CGGBP1: variants seen among roughly 807,000 people sequenced by gnomAD.
The protein encoded by CGGBP1 is CGG triplet repeat-binding protein 1.
A neutral mutation model predicts 11.4 loss-of-function variants in CGGBP1; 4 were observed. The ratio of observed to expected loss-of-function variants is 0.35; its 90% confidence interval spans 0.17 to 0.80. The LOEUF (loss-of-function observed/expected upper bound fraction) is 0.80, where lower values mean the gene tolerates loss of function less well. Among genes scored for constraint, CGGBP1 ranks in the 30% least tolerant of loss-of-function variants. The pLI is 0.52. For synonymous variants in CGGBP1, 76 were observed against 74.1 expected, an observed-to-expected ratio of 1.03 and a Z score of -0.13; for missense variants, 135 against 202.1, an observed-to-expected ratio of 0.67 and a Z score of 2.01.
At chr3:88,149,840 T>C in exon 1 of CGGBP1, 1 of 587,868 alleles carries the variant, frequency 1.7e-6, no homozygotes, top group Non-Finnish European at 3.0e-6. Flanking sequence ...TACGTGGGAC[T>C]TCACTCCGTC....
chr3:88,086,116 G>A, intron 2 of CGGBP1: 1 of 641,690 alleles, frequency 1.6e-6, no homozygotes, highest in Non-Finnish European at 2.6e-6. Flanking sequence ...AAAATAAACA[G>A]TATAGAAGAT....
At chr3:88,134,398 A>C (rs1706648669) in intron 2 of CGGBP1, among the ~76,000 whole-genome samples, 1 of 152,098 alleles carries the variant, frequency 6.6e-6, no homozygotes, top group African/African-American at 2.4e-5. Flanking sequence ...AAAGAATTCT[A>C]ATTTGCTAAA....
chr3:88,059,593 AT>A (rs1263561468), upstream of CGGBP1: 17 of 1,414,780 alleles, frequency 1.2e-5, no homozygotes, highest in Admixed American at 2.1e-4. Flanking sequence ...AATCTGGTCT[AT>A]GTCCAGTGCC....
chr3:88,095,657 T>G (rs1704015740), intron 2 of CGGBP1: 1 of 481,020 alleles, frequency 2.1e-6, no homozygotes, highest in Non-Finnish European at 4.1e-6. Flanking sequence ...CATCACTCTG[T>G]TCTCTTTTTT....
chr3:88,059,136 G>C, upstream of CGGBP1: 1 of 1,159,788 alleles, frequency 8.6e-7, no homozygotes, highest in Non-Finnish European at 1.2e-6. Context: ...GGCAGCTTGC[G>C]TCTTCCAATA....
intron 2 of CGGBP1, among the ~76,000 whole-genome samples, chr3:88,114,727 T>G (rs1705287177): frequency 6.6e-6 from 1 of 152,170 alleles, no homozygotes; most frequent in Non-Finnish European, 1.5e-5. Flanking sequence ...TAGAGAAACA[T>G]CCTTCATTTG....
chr3:88,090,603 TAC>T (rs894960993), intron 2 of CGGBP1, among the ~76,000 whole-genome samples: 1 of 152,200 alleles, frequency 6.6e-6, no homozygotes, highest in African/African-American at 2.4e-5. Flanking sequence ...AGCCTACATA[TAC>T]AGTGTTTATA....
intron 2 of CGGBP1, among the ~76,000 whole-genome samples, chr3:88,132,938 A>G (rs890958863): frequency 6.6e-6 from 1 of 152,158 alleles, no homozygotes; most frequent in Non-Finnish European, 1.5e-5. Context: ...AGCTACATGA[A>G]AGCTACATGG....
intron 2 of CGGBP1, among the ~76,000 whole-genome samples, chr3:88,073,981 T>G (rs1365256987): frequency 6.6e-6 from 1 of 152,190 alleles, no homozygotes; most frequent in African/African-American, 2.4e-5. Flanking sequence ...CTAATTAACC[T>G]GTGATAGTGT....
chr3:88,066,011 G>C (rs1463232044), intron 2 of CGGBP1, among the ~76,000 whole-genome samples: 1 of 152,154 alleles, frequency 6.6e-6, no homozygotes, highest in Non-Finnish European at 1.5e-5. Context: ...TAGGATTACA[G>C]GCATGAGCTA....
chr3:88,117,840 T>C (rs551489024), intron 2 of CGGBP1, among the ~76,000 whole-genome samples: 13 of 152,062 alleles, frequency 8.5e-5, no homozygotes, highest in Non-Finnish European at 1.8e-4. Flanking sequence ...GGAGCAGTGA[T>C]TATATAAGGG....
intron 1 of CGGBP1, chr3:88,142,823 T>C (rs1707195701): frequency 6.6e-6 from 1 of 152,288 alleles, no homozygotes; most frequent in Non-Finnish European, 1.5e-5. Context: ...CAGTAAGAGA[T>C]ACATTCAAGC....
chr3:88,102,817 C>CTGTT (rs777760226), intron 2 of CGGBP1, among the ~76,000 whole-genome samples: 1 of 106,548 alleles, frequency 9.4e-6, no homozygotes, highest in East Asian at 3.0e-4. Flanking sequence ...CCTCTACTGT[C>CTGTT]TTTTTTTTTT....
intron 2 of CGGBP1, among the ~76,000 whole-genome samples, chr3:88,074,314 C>T (rs1455352902): frequency 6.8e-6 from 1 of 147,076 alleles, no homozygotes; most frequent in Non-Finnish European, 1.5e-5. Context: ...AAGGAGAATT[C>T]TTTAACTTCC....
intron 2 of CGGBP1, among the ~76,000 whole-genome samples, chr3:88,071,402 T>C (rs1036318424): frequency 7.2e-5 from 11 of 152,110 alleles, no homozygotes; most frequent in Non-Finnish European, 1.5e-4. Context: ...CCCAGCACTT[T>C]GGGAGGCTGA....
intron 2 of CGGBP1, among the ~76,000 whole-genome samples, chr3:88,079,135 C>T (rs1707956649): frequency 6.6e-6 from 1 of 151,998 alleles, no homozygotes; most frequent in South Asian, 2.1e-4. Context: ...GCTGACTCAA[C>T]CTAAAGTAAC....
intron 2 of CGGBP1, among the ~76,000 whole-genome samples, chr3:88,096,663 A>G (rs534666384): frequency 6.6e-6 from 1 of 152,244 alleles, no homozygotes; most frequent in East Asian, 1.9e-4. Flanking sequence ...TTCCATGTAT[A>G]TAATGTACCC....
chr3:88,110,242 A>G (rs1705006183), intron 2 of CGGBP1, among the ~76,000 whole-genome samples: 2 of 152,144 alleles, frequency 1.3e-5, no homozygotes, highest in Non-Finnish European at 2.9e-5. Flanking sequence ...TCATCAATTA[A>G]GTAGTGGAGC....
At chr3:88,082,058 T>G (rs551537338) in intron 2 of CGGBP1, among the ~76,000 whole-genome samples, 2 of 152,186 alleles carry the variant, frequency 1.3e-5, no homozygotes, top group East Asian at 3.9e-4. Flanking sequence ...CATACAGGAG[T>G]GTATCACAGC....
Sources: gnomAD v4.1 joint callset for allele counts (sites outside exome capture counted in the v4.1 genomes callset) on GRCh38, gnomAD v4.1.1 for gene constraint, MANE v1.5 for transcripts, NCBI Gene and HGNC (gene_info 2026-07-23, HGNC 2026-07-21) for gene names.